Variants in ZNF81 observed in about 807,000 individuals in gnomAD.
The protein encoded by ZNF81 is zinc finger protein 81 (HFZ20).
Under a neutral mutation model 32.3 loss-of-function variants are expected in ZNF81, and 5 were observed. The observed-to-expected ratio is 0.15, with a 90% CI of 0.08 to 0.33. The LOEUF (loss-of-function observed/expected upper bound fraction) is 0.33. Ranked by LOEUF, ZNF81 falls within the 10% of genes least tolerant of loss-of-function variation. ZNF81 has a pLI of 1.00. For synonymous variants in ZNF81, 163 were observed against 166.8 expected (o/e 0.98, Z 0.17); for missense variants, 379 against 479.8 (o/e 0.79, Z 1.96).
intron 2 of ZNF81, among the ~76,000 whole-genome samples, chrX:47,873,898 C>T (rs2058589941): frequency 9.0e-6 from 1 of 111,342 alleles, no homozygotes; most frequent in Non-Finnish European, 1.9e-5. Flanking sequence ...AACTCCTTGG[C>T]CTCAAGCAAT....
Position 47,916,638 on chromosome X carries a change from A to G in ZNF81, c.*6A>G, listed in dbSNP as rs781819868. 3.8e-5 allele frequency: 45 copies of G among 1,195,707 alleles called. No homozygotes were observed. The highest frequency in any genetic ancestry group is 4.8e-5 in the Non-Finnish European group (43 of 889,666). The stretch of plus-strand genomic sequence containing the variant: ...ATCGCAATATTCATACATGAAAGTA[A>G]TCCTGTTTCTTGAAAATGAGAGCCT... On this transcript the variant is annotated 3_prime_UTR_variant, in exon 5 of 5. Coordinates refer to ENST00000338637, the MANE Select transcript of ZNF81 (RefSeq NM_007137.5).
chrX:47,855,353 G>A (rs782387844), intron 2 of ZNF81, among the ~76,000 whole-genome samples: 5 of 110,704 alleles, frequency 4.5e-5, no homozygotes, highest in Non-Finnish European at 9.5e-5. Context: ...CTCTATCAGG[G>A]TTGCCACAAA....
chrX:47,867,040 G>A (rs2058562609), intron 2 of ZNF81, among the ~76,000 whole-genome samples: 1 of 111,420 alleles, frequency 9.0e-6, no homozygotes, highest in Non-Finnish European at 1.9e-5. Flanking sequence ...TTTATAAGTG[G>A]GAGCTGAACA....
chrX:47,866,591 G>T (rs1300901634), intron 2 of ZNF81, among the ~76,000 whole-genome samples: 3 of 111,433 alleles, frequency 2.7e-5, no homozygotes, highest in Non-Finnish European at 5.6e-5. Flanking sequence ...CTAGTTAATT[G>T]CCCTTATCCA....
At chrX:47,845,635 C>T (rs1319255372) in intron 1 of ZNF81, among the ~76,000 whole-genome samples, 1 of 111,666 alleles carries the variant, frequency 9.0e-6, no homozygotes, top group Non-Finnish European at 1.9e-5. Flanking sequence ...ACCTCTAATT[C>T]TGTGTGCATA....
At chrX:47,856,670 C>T (rs1478357377) in intron 2 of ZNF81, among the ~76,000 whole-genome samples, 3 of 111,677 alleles carry the variant, frequency 2.7e-5, no homozygotes, top group East Asian at 5.6e-4. Context: ...CCCAGCCGGG[C>T]GCGGTGGCTC....
chrX:47,855,286 T>C (rs1425406412), intron 2 of ZNF81, among the ~76,000 whole-genome samples: 1 of 111,044 alleles, frequency 9.0e-6, no homozygotes, highest in Non-Finnish European at 1.9e-5. Context: ...TACCAAAATC[T>C]GACACAGAGA....
chrX:47,919,340 C>G lies in ZNF81; in HGVS notation c.*2708C>G, dbSNP rs1296441023. 1.1e-5 allele frequency: 3 copies of G among 267,737 alleles called. No individual in the cohort carries two copies. The highest frequency in any genetic ancestry group is 2.2e-5 in the Non-Finnish European group (3 of 138,012). 22.1% of individuals were successfully genotyped at this position (267,737 alleles called of 1,213,427 possible). On this transcript the variant is annotated 3_prime_UTR_variant, in exon 5 of 5. Coordinates refer to ENST00000338637, the MANE Select transcript of ZNF81 (RefSeq NM_007137.5). ...GTTTTTTCTCTCACCCTGGCTTTGT[C>G]AAGTCTACTGCTGAACCCATTGAAG...
intron 2 of ZNF81, among the ~76,000 whole-genome samples, chrX:47,884,753 C>T (rs1028803151): frequency 9.0e-6 from 1 of 111,470 alleles, no homozygotes; most frequent in Admixed American, 9.5e-5. Flanking sequence ...TATGGGTGTA[C>T]AGCTTTTGTC....
chrX:47,876,873 C>G (rs1258471408), intron 2 of ZNF81, among the ~76,000 whole-genome samples: 1 of 112,012 alleles, frequency 8.9e-6, no homozygotes, highest in Non-Finnish European at 1.9e-5. Context: ...TTAATTGAAG[C>G]TGTGATTGCT....
intron 2 of ZNF81, among the ~76,000 whole-genome samples, chrX:47,864,249 A>G (rs2058551865): frequency 9.0e-6 from 1 of 111,617 alleles, no homozygotes; most frequent in African/African-American, 3.3e-5. Flanking sequence ...TGTGGACGGT[A>G]GAGAATATGG....
chrX:47,866,145 C>T (rs950350017), intron 2 of ZNF81, among the ~76,000 whole-genome samples: 9 of 111,551 alleles, frequency 8.1e-5, no homozygotes, highest in Non-Finnish European at 1.3e-4. Flanking sequence ...GAGATTTTAC[C>T]CTACTTATAA....
At position 47,846,301 on chromosome X, in the gene ZNF81, G is replaced by A. The variant is rs781959530; in HGVS notation, c.34G>A (p.Glu12Lys). 8.3e-7 allele frequency: 1 copy of A among 1,209,662 alleles called. No individual in the cohort carries two copies. The highest frequency in any genetic ancestry group is 1.8e-5 in the South Asian group (1 of 56,253). ...TAACGAGGACGCTCCCCAGCCAGGG[G>A]AACATGGCAGTGCCTGTGAGGTGAG... ...PANEDAPQPG[E>K]HGSACEVSVS... The change falls in exon 2 of 5, where the codon GAA becomes AAA. Residue 12 changes from glutamate to lysine, a missense_variant. Physicochemically the swap from Glu to Lys is moderately conservative, Grantham distance 56. Around this residue, in one of 2 missense-constraint regions of ZNF81, gnomAD observed 277 missense variants for 306.6 expected, o/e 0.90. Coordinates refer to ENST00000338637, the MANE Select transcript of ZNF81 (RefSeq NM_007137.5).
chrX:47,864,550 C>T (rs1556882998), intron 2 of ZNF81, among the ~76,000 whole-genome samples: 1 of 111,768 alleles, frequency 8.9e-6, no homozygotes, highest in African/African-American at 3.3e-5. Context: ...AATGGGTAAT[C>T]TTTTAGAAGG....
chrX:47,888,086 G>A lies in ZNF81; in HGVS notation c.142G>A (p.Asp48Asn), dbSNP rs2148029221. Reference sequence around the variant, plus strand: ...CTCTACTCAAAGACGCCTGTACCAGGATGTAATGTTGGAGAACTACAGCCA... The same window carrying A: ...CTCTACTCAAAGACGCCTGTACCAGAATGTAATGTTGGAGAACTACAGCCA... ...LDSTQRRLYQ[D>N]VMLENYSHLL... Residue 48 changes from aspartate (D) to asparagine (N), a missense_variant, in exon 3 of 5, where the codon GAT becomes AAT. By Grantham distance (23) the Asp-to-Asn change is conservative. Around this residue, in one of 2 missense-constraint regions of ZNF81, gnomAD observed 277 missense variants for 306.6 expected, o/e 0.90. Transcript: ENST00000338637. The A allele has an allele frequency of 1.7e-6, 2 of 1,210,722 alleles. No homozygotes were observed. Among genetic ancestry groups the A allele is most frequent in the Non-Finnish European group, 2.2e-6 (2 of 895,179 alleles).
Position 47,916,640 on chromosome X carries a change from C to A in ZNF81, c.*8C>A, listed in dbSNP as rs782543764. 3 of 1,195,513 alleles carry A rather than the reference C, an allele frequency of 2.5e-6. No homozygotes were observed. Among genetic ancestry groups the A allele is most frequent in the Non-Finnish European group, 3.4e-6 (3 of 889,199 alleles). Reference sequence around the variant, plus strand: ...CGCAATATTCATACATGAAAGTAATCCTGTTTCTTGAAAATGAGAGCCTTA... The same window carrying A: ...CGCAATATTCATACATGAAAGTAATACTGTTTCTTGAAAATGAGAGCCTTA... On this transcript the variant is annotated 3_prime_UTR_variant, in exon 5 of 5. Coordinates refer to ENST00000338637, the MANE Select transcript of ZNF81 (RefSeq NM_007137.5).
At chrX:47,842,357 C>T (rs1243684643) in intron 1 of ZNF81, among the ~76,000 whole-genome samples, 1 of 111,301 alleles carries the variant, frequency 9.0e-6, no homozygotes, top group Non-Finnish European at 1.9e-5. Flanking sequence ...ACAGGAATGG[C>T]TTTTCTTGGA....
At chrX:47,877,050 T>C (rs966371011) in intron 2 of ZNF81, among the ~76,000 whole-genome samples, 25 of 112,135 alleles carry the variant, frequency 2.2e-4, no homozygotes, top group Admixed American at 2.0e-3. Flanking sequence ...AGCACAAGCA[T>C]GTAAAACATC....
chrX:47,907,401 A>C (rs1361605530), intron 4 of ZNF81, among the ~76,000 whole-genome samples: 1 of 104,855 alleles, frequency 9.5e-6, no homozygotes, highest in African/African-American at 3.5e-5. Flanking sequence ...CTTGTTCAGC[A>C]TACCAATATT....
Sources: gnomAD v4.1 joint callset for allele counts (sites outside exome capture counted in the v4.1 genomes callset) on GRCh38, gnomAD v4.1.1 for gene constraint, gnomAD v4.1.1 regional missense constraint, MANE v1.5 for transcripts, NCBI Gene and HGNC (gene_info 2026-07-23, HGNC 2026-07-21) for gene names.